Variants in GABRG1 observed in about 807,000 individuals in gnomAD.
The protein encoded by GABRG1 is gamma-aminobutyric acid type A receptor subunit gamma1.
In GABRG1, 49 loss-of-function variants were observed where a neutral mutation model predicts 49.8. That is an observed-to-expected ratio of 0.98 (90% CI 0.78 to 1.25). GABRG1 has a LOEUF of 1.25. GABRG1 is among the 50% of genes most tolerant of loss of function. The pLI is 0.00. For synonymous variants in GABRG1, 232 were observed against 185.1 expected (o/e 1.25, Z -2.06); for missense variants, 552 against 552.3 (o/e 1.00, Z 0.01).
At chr4:46,106,746 AT>A (rs544823876) in intron 1 of GABRG1, among the ~76,000 whole-genome samples, 3 of 150,040 alleles carry the variant, frequency 2.0e-5, no homozygotes, top group African/African-American at 2.4e-5. Flanking sequence ...ATTTTCAGTC[AT>A]TTTTTTGGTA....
Position 46,038,532 on chromosome 4 carries a change from TC to T in GABRG1, c.*2455del, listed in dbSNP as rs1448709021. 2 of 151,368 alleles carry T rather than the reference TC, an allele frequency of 1.3e-5. No individual in the cohort carries two copies. Among genetic ancestry groups the T allele is most frequent in the African/African-American group, 4.8e-5 (2 of 41,298 alleles). The allele number at this position is 151,368 out of a possible 1,614,324, so 9.4% of individuals were successfully genotyped here. On this transcript the variant is annotated 3_prime_UTR_variant, in exon 9 of 9. Coordinates refer to ENST00000295452, the MANE Select transcript of GABRG1 (RefSeq NM_173536.4). ...TAAATTCAATAAATTATTATATAACTCCCCAGAGAAAGAGGAAGATTTTTTA... is the reference window on the plus strand; with the variant it reads ...TAAATTCAATAAATTATTATATAACTCCCAGAGAAAGAGGAAGATTTTTTA...
chr4:46,108,818 A>G (rs369508679), intron 1 of GABRG1, among the ~76,000 whole-genome samples: 1 of 151,082 alleles, frequency 6.6e-6, no homozygotes, highest in Non-Finnish European at 1.5e-5. Flanking sequence ...AGTTCTTACT[A>G]TTAGTAAGTG....
At chr4:46,112,563 A>T (rs1327179966) in intron 1 of GABRG1, among the ~76,000 whole-genome samples, 1 of 151,396 alleles carries the variant, frequency 6.6e-6, no homozygotes, top group Non-Finnish European at 1.5e-5. Context: ...TGTTCACAAC[A>T]GCAAAGTGAT....
At chr4:46,106,065 A>T (rs550815907) in intron 1 of GABRG1, among the ~76,000 whole-genome samples, 1 of 151,572 alleles carries the variant, frequency 6.6e-6, no homozygotes, top group South Asian at 2.1e-4. Context: ...CCTGGTATGA[A>T]AGCAATCAAC....
chr4:46,064,595 T>C (rs894765551), intron 4 of GABRG1, 72 bp from the exon 5 acceptor site: 19 of 715,988 alleles, frequency 2.7e-5, no homozygotes, highest in Non-Finnish European at 4.2e-5. Context: ...CTGTCTCATT[T>C]TAAAACAAGA....
chr4:46,038,190 A>T lies in GABRG1; in HGVS notation c.*2798T>A, dbSNP rs1364116324. On this transcript the variant is annotated 3_prime_UTR_variant, in exon 9 of 9. Coordinates refer to ENST00000295452, the MANE Select transcript of GABRG1 (RefSeq NM_173536.4). Reference sequence around the variant, plus strand: ...CCCTGTCCCTGCTAAATTCTCAAGTATTCTATGTATTTTTTACTTTTTTTT... The same window carrying T: ...CCCTGTCCCTGCTAAATTCTCAAGTTTTCTATGTATTTTTTACTTTTTTTT... 6.6e-6 allele frequency: 1 copy of T among 151,698 alleles called. No homozygotes were observed. Among genetic ancestry groups the T allele is most frequent in the Non-Finnish European group, 1.5e-5 (1 of 67,726 alleles). The allele number at this position is 151,698 out of a possible 1,614,324, so 9.4% of individuals were successfully genotyped here.
At position 46,124,010 on chromosome 4, in the gene GABRG1, A is replaced by G; in HGVS notation, c.-97T>C. On this transcript the variant is annotated 5_prime_UTR_variant, in exon 1 of 9. Transcript: ENST00000295452. ...GCAGCTGGCTGAGTACAGAAGGGAG[A>G]GTGTGGAAAGGCAGTGCACCTCCCA... The G allele has an allele frequency of 1.1e-6, 1 of 873,718 alleles. No individual in the cohort carries two copies. The highest frequency in any genetic ancestry group is 1.8e-6 in the Non-Finnish European group (1 of 540,716). 54.1% of individuals were successfully genotyped at this position (873,718 alleles called of 1,614,324 possible). A position where few individuals can be genotyped will look rare whatever the true frequency, so the allele number is the denominator to read the frequency against.
chr4:46,115,962 C>T (rs1290399476), intron 1 of GABRG1, among the ~76,000 whole-genome samples: 2 of 150,718 alleles, frequency 1.3e-5, no homozygotes, highest in African/African-American at 4.8e-5. Context: ...AATTATAAAA[C>T]AGATTTTTTT....
At chr4:46,075,113 T>A (rs2109416315) in intron 3 of GABRG1, among the ~76,000 whole-genome samples, 1 of 151,968 alleles carries the variant, frequency 6.6e-6, no homozygotes, top group African/African-American at 2.4e-5. Context: ...TAAGGAGGGA[T>A]AAAGCCTAAG....
chr4:46,061,960 T>G (rs1204498299), intron 5 of GABRG1, among the ~76,000 whole-genome samples: 1 of 151,600 alleles, frequency 6.6e-6, no homozygotes, highest in Non-Finnish European at 1.5e-5. Flanking sequence ...TGTGCCATGC[T>G]GGTGTGCTGC....
At chr4:46,090,121 T>G (rs758023583) in intron 2 of GABRG1, among the ~76,000 whole-genome samples, 2 of 152,102 alleles carry the variant, frequency 1.3e-5, no homozygotes, top group Non-Finnish European at 2.9e-5. Context: ...CAAAGGGTAC[T>G]AAAACATATT....
In GABRG1 at chr4:46,082,387, T is replaced by C. The variant is rs539401687; in HGVS notation, c.321+1599A>G. ...TCTTATCTCATCTTCTTCTAAGCCA[T>C]GTTTCTCAAAATAGTAGTTTATAAA... On this transcript the variant is annotated intron_variant, in intron 3 of 8. Coordinates refer to ENST00000295452, the MANE Select transcript of GABRG1 (RefSeq NM_173536.4). 1.3e-4 allele frequency among the ~76,000 whole-genome samples: 20 copies of C among 151,832 alleles called. No individual in the cohort carries two copies. The East Asian group carries it at 3.7e-3, about 28-fold the overall frequency.
At chr4:46,069,604 A>G (rs1446326002) in intron 3 of GABRG1, among the ~76,000 whole-genome samples, 1 of 152,134 alleles carries the variant, frequency 6.6e-6, no homozygotes, top group Non-Finnish European at 1.5e-5. Context: ...TTCAAAAAGT[A>G]GACACATATT....
At chr4:46,112,331 G>A (rs1349160370) in intron 1 of GABRG1, among the ~76,000 whole-genome samples, 6 of 151,062 alleles carry the variant, frequency 4.0e-5, no homozygotes, top group Non-Finnish European at 4.5e-5. Context: ...AAGCCAAAAA[G>A]CAACAGATAT....
At chr4:46,088,815 TTGTGTGTG>T (rs3069486) in intron 2 of GABRG1, among the ~76,000 whole-genome samples, 2 of 131,686 alleles carry the variant, frequency 1.5e-5, no homozygotes, top group East Asian at 4.6e-4. Flanking sequence ...TTGTGTGTGT[TTGTGTGTG>T]TGTGTGTGTG....
At chr4:46,044,472 CTT>C (rs1438506412) in intron 8 of GABRG1, among the ~76,000 whole-genome samples, 1 of 151,798 alleles carries the variant, frequency 6.6e-6, no homozygotes, top group African/African-American at 2.4e-5. Flanking sequence ...TGGAGTGAAA[CTT>C]TGTCTTAAAA....
At chr4:46,064,256 C>T (rs1337305928) in intron 5 of GABRG1, among the ~76,000 whole-genome samples, 185 bp downstream of exon 5, 1 of 151,870 alleles carries the variant, frequency 6.6e-6, no homozygotes, top group East Asian at 1.9e-4. Context: ...ATTCATAACA[C>T]ATTTATTGTA....
Position 46,058,204 on chromosome 4 carries a change from T to C in GABRG1, c.916+13A>G, listed in dbSNP as rs1345176211. The C allele has an allele frequency of 1.2e-6, 2 of 1,604,318 alleles. No homozygotes were observed. The highest frequency in any genetic ancestry group is 2.7e-5 in the African/African-American group (2 of 74,364). On this transcript the variant is annotated intron_variant, in intron 7 of 8. Coordinates refer to ENST00000295452, the MANE Select transcript of GABRG1 (RefSeq NM_173536.4). ...AGTTCTATGGCATTATAGCATAATA[T>C]TACATGTCATACCCAACGATGTTCT...
chr4:46,083,047 C>A (rs900357667), intron 3 of GABRG1, among the ~76,000 whole-genome samples: 4 of 151,690 alleles, frequency 2.6e-5, no homozygotes, highest in African/African-American at 7.3e-5. Context: ...TGGACCATTC[C>A]TGCTGAATGC....
Sources: allele counts gnomAD v4.1 joint callset (sites outside exome capture counted in the v4.1 genomes callset), GRCh38; gene constraint gnomAD v4.1.1; transcripts MANE v1.5; gene names NCBI Gene and HGNC (gene_info 2026-07-23, HGNC 2026-07-21).